Variants in RNASEH2B observed in about 807,000 individuals in gnomAD.
The protein encoded by RNASEH2B is ribonuclease H2 subunit B.
In RNASEH2B, 36 loss-of-function variants were observed where a neutral mutation model predicts 45.0. The ratio of observed to expected loss-of-function variants is 0.80; its 90% CI spans 0.61 to 1.06. The LOEUF (loss-of-function observed/expected upper bound fraction) is 1.06. Among genes scored for constraint, RNASEH2B ranks in the 50% least tolerant of loss-of-function variants. The pLI, the probability that RNASEH2B is intolerant of heterozygous loss-of-function variation, is 0.00. For synonymous variants in RNASEH2B, 119 were observed against 125.7 expected (o/e 0.95, Z 0.35); for missense variants, 361 against 360.3 (o/e 1.00, Z -0.02).
chr13:50,951,442 T>C (rs1424197053), intron 9 of RNASEH2B: 6 of 152,208 alleles, frequency 3.9e-5, no homozygotes, highest in Non-Finnish European at 8.8e-5. Context: ...TATTTTCCTT[T>C]ACTATCATAT....
exon 10 of RNASEH2B, chr13:50,970,010 A>G: frequency 6.5e-7 from 1 of 1,533,028 alleles, no homozygotes; most frequent in Non-Finnish European, 8.8e-7. Context: ...CTGCAACTTC[A>G]GACACTCCCA....
chr13:50,922,940 A>G (rs1243377735), intron 1 of RNASEH2B, among the ~76,000 whole-genome samples: 1 of 152,260 alleles, frequency 6.6e-6, no homozygotes. Context: ...GAATGAAAGG[A>G]AAGTATGACA....
exon 10 of RNASEH2B, chr13:50,969,958 C>G (rs1306022123): frequency 6.4e-7 from 1 of 1,551,588 alleles, no homozygotes; most frequent in East Asian, 2.4e-5. Context: ...AGAAAAGGGG[C>G]AAGTGATGGT....
downstream of RNASEH2B, among the ~76,000 whole-genome samples, chr13:50,958,467 A>C (rs772796281): frequency 3.9e-5 from 6 of 152,088 alleles, no homozygotes; most frequent in Admixed American, 6.5e-5. Context: ...TTTTTGTATC[A>C]GTACTATATT....
chr13:50,965,266 TTTG>T (rs1952154008), intron 9 of RNASEH2B, among the ~76,000 whole-genome samples: 1 of 152,208 alleles, frequency 6.6e-6, no homozygotes, highest in Admixed American at 6.5e-5. Context: ...GCTATACAGG[TTTG>T]TACCCCAGGA....
At chr13:50,918,254 C>T (rs1879855558) in intron 1 of RNASEH2B, among the ~76,000 whole-genome samples, 1 of 152,162 alleles carries the variant, frequency 6.6e-6, no homozygotes, top group African/African-American at 2.4e-5. Flanking sequence ...TCTCCTGCCT[C>T]AGCCTCCCGA....
intron 9 of RNASEH2B, among the ~76,000 whole-genome samples, chr13:50,964,404 A>G (rs772421944): frequency 6.6e-6 from 1 of 152,318 alleles, no homozygotes; most frequent in East Asian, 1.9e-4. Flanking sequence ...TGTGCTTGGC[A>G]TTGATCTAAG....
chr13:50,920,094 C>T (rs1483581397), intron 1 of RNASEH2B, among the ~76,000 whole-genome samples: 3 of 152,022 alleles, frequency 2.0e-5, no homozygotes, highest in African/African-American at 7.2e-5. Context: ...AGTGCAGTGG[C>T]GTGATCTCGG....
chr13:50,969,839 C>T (rs1477905416), intron 9 of RNASEH2B: 6 of 1,270,080 alleles, frequency 4.7e-6, no homozygotes, highest in South Asian at 3.9e-5. Context: ...GCCAGCCCTG[C>T]GTTCTGTTCT....
At chr13:50,963,208 A>G (rs1952128953) in intron 9 of RNASEH2B, among the ~76,000 whole-genome samples, 1 of 152,106 alleles carries the variant, frequency 6.6e-6, no homozygotes, top group African/African-American at 2.4e-5. Flanking sequence ...CTTGTTGCCC[A>G]GGCTGGAGTG....
chr13:50,964,934 T>C (rs1230143419), intron 9 of RNASEH2B, among the ~76,000 whole-genome samples: 1 of 152,076 alleles, frequency 6.6e-6, no homozygotes, highest in East Asian at 1.9e-4. Context: ...TTGACCTTCC[T>C]CCCCTACCCC....
chr13:50,970,140 G>T, exon 10 of RNASEH2B: 1 of 685,636 alleles, frequency 1.5e-6, no homozygotes, highest in South Asian at 1.7e-5. Context: ...GTCTATGTGG[G>T]CAGCGGCATT....
intron 1 of RNASEH2B, among the ~76,000 whole-genome samples, chr13:50,916,383 G>A (rs1879743935): frequency 6.6e-6 from 1 of 152,072 alleles, no homozygotes; most frequent in Non-Finnish European, 1.5e-5. Flanking sequence ...GGTAGGGGCT[G>A]TTTTTTTCCT....
chr13:50,935,986 G>T (rs996104557), intron 5 of RNASEH2B: 1 of 152,142 alleles, frequency 6.6e-6, no homozygotes, highest in East Asian at 1.9e-4. Flanking sequence ...TTTAGAGATG[G>T]ACCCAACTGC....
intron 1 of RNASEH2B, among the ~76,000 whole-genome samples, chr13:50,920,974 C>T (rs994754763): frequency 2.0e-5 from 3 of 152,062 alleles, no homozygotes; most frequent in Admixed American, 6.6e-5. Flanking sequence ...ATTGTTAAGC[C>T]GTTATGTAAC....
intron 2 of RNASEH2B, among the ~76,000 whole-genome samples, chr13:50,928,859 A>AAAT (rs1489123982): frequency 5.3e-5 from 8 of 152,198 alleles, no homozygotes; most frequent in South Asian, 4.2e-4. Flanking sequence ...GTTAAAAAAA[A>AAAT]AATTTTTTTT....
Sources: gnomAD v4.1 joint callset for allele counts (sites outside exome capture counted in the v4.1 genomes callset) on GRCh38, gnomAD v4.1.1 for gene constraint, MANE v1.5 for transcripts, NCBI Gene and HGNC (gene_info 2026-07-23, HGNC 2026-07-21) for gene names.